Variants in TMEM117 observed in about 807,000 individuals in gnomAD.
TMEM117 encodes the protein transmembrane protein 117.
In TMEM117, 27 loss-of-function variants were observed where a neutral mutation model predicts 52.4. The ratio of observed to expected loss-of-function variants is 0.51; its 90% CI spans 0.38 to 0.71. The LOEUF (loss-of-function observed/expected upper bound fraction) is 0.71, where lower values mean the gene tolerates loss of function less well. Among genes scored for constraint, TMEM117 ranks in the 30% least tolerant of loss-of-function variants. The pLI is 0.00. For missense variants in TMEM117, 556 were observed against 630.5 expected (o/e 0.88, Z 1.26); for synonymous variants, 215 against 206.3 (o/e 1.04, Z -0.36).
upstream of TMEM117, among the ~76,000 whole-genome samples, chr12:43,831,201 T>C (rs1038349632): frequency 6.6e-6 from 1 of 152,218 alleles, no homozygotes; most frequent in Admixed American, 6.5e-5. Context: ...AAGGAAATTA[T>C]GCTGTTTATA....
At chr12:43,922,132 C>A (rs1266950191) in intron 2 of TMEM117, among the ~76,000 whole-genome samples, 3 of 152,130 alleles carry the variant, frequency 2.0e-5, no homozygotes, top group Admixed American at 6.6e-5. Context: ...ATATGTCTTA[C>A]AAACTGTGGT....
At chr12:44,027,030 T>G (rs981133055) in intron 3 of TMEM117, among the ~76,000 whole-genome samples, 6 of 151,560 alleles carry the variant, frequency 4.0e-5, no homozygotes, top group Admixed American at 3.9e-4. Context: ...GAGTTGCATT[T>G]AGTAGTTAGC....
rs552059839 is a variant in TMEM117, at chr12:44,378,419, A to G, written c.898+1695A>G. On this transcript the variant is annotated intron_variant, in intron 7 of 7. Coordinates refer to ENST00000266534, the MANE Select transcript of TMEM117 (RefSeq NM_032256.3). ...TGGAATACTCTGTTTAAGAAGATGA[A>G]TATAAAATTACATCTCAAAATTATA... Among the ~76,000 whole-genome samples the G allele has an allele frequency of 2.0e-5, 3 of 152,320 alleles. No individual in the cohort carries two copies. In the South Asian group the frequency reaches 6.2e-4, roughly 32 times the overall value.
chr12:44,057,732 G>T (rs1000635672), intron 3 of TMEM117, among the ~76,000 whole-genome samples: 1 of 152,094 alleles, frequency 6.6e-6, no homozygotes, highest in Non-Finnish European at 1.5e-5. Flanking sequence ...CTAGATTCTG[G>T]CTCTGTTCTG....
chr12:43,856,539 C>A (rs1565720976), intron 2 of TMEM117, among the ~76,000 whole-genome samples: 1 of 152,228 alleles, frequency 6.6e-6, no homozygotes, highest in South Asian at 2.1e-4. Flanking sequence ...TCCTCCTCCT[C>A]CCTCTCCAAA....
At chr12:44,095,764 T>G (rs1397932389) in intron 3 of TMEM117, among the ~76,000 whole-genome samples, 1 of 152,132 alleles carries the variant, frequency 6.6e-6, no homozygotes, top group Non-Finnish European at 1.5e-5. Context: ...TTAGAAATAC[T>G]GAATGGGCAA....
chr12:44,232,810 G>C (rs1237901566), intron 5 of TMEM117, among the ~76,000 whole-genome samples: 1 of 150,896 alleles, frequency 6.6e-6, no homozygotes, highest in Non-Finnish European at 1.5e-5. Context: ...TCCTTTATTT[G>C]TGTCTTCTTT....
intron 2 of TMEM117, among the ~76,000 whole-genome samples, chr12:43,902,640 C>A (rs1251404649): frequency 6.6e-6 from 1 of 152,112 alleles, no homozygotes; most frequent in Non-Finnish European, 1.5e-5. Flanking sequence ...ATGGTAGTAT[C>A]ACCCAAAGGT....
At chr12:44,284,231 G>A (rs1192168735) in intron 5 of TMEM117, among the ~76,000 whole-genome samples, 1 of 152,098 alleles carries the variant, frequency 6.6e-6, no homozygotes, top group African/African-American at 2.4e-5. Context: ...AGACTTGCTT[G>A]AACCCGAGAG....
chr12:43,979,325 G>T (rs1945722867), intron 3 of TMEM117, among the ~76,000 whole-genome samples: 2 of 151,992 alleles, frequency 1.3e-5, no homozygotes, highest in South Asian at 4.1e-4. Flanking sequence ...AAAAGTACTG[G>T]CTCCACTGGG....
intron 6 of TMEM117, among the ~76,000 whole-genome samples, chr12:44,314,653 G>A (rs771459714): frequency 4.7e-5 from 7 of 149,168 alleles, no homozygotes; most frequent in South Asian, 2.2e-4. Context: ...TGCAACCTCC[G>A]CCTCCTGGGT....
intron 3 of TMEM117, among the ~76,000 whole-genome samples, chr12:44,025,338 A>G (rs1314791852): frequency 6.6e-6 from 1 of 152,216 alleles, no homozygotes; most frequent in Non-Finnish European, 1.5e-5. Context: ...AGAAGGAATT[A>G]GATAAACTCC....
intron 3 of TMEM117, among the ~76,000 whole-genome samples, chr12:44,117,609 G>A (rs1948166939): frequency 6.6e-6 from 1 of 152,224 alleles, no homozygotes. Context: ...CAGGGGTTTT[G>A]AGAATGAAAC....
In TMEM117 at chr12:44,181,171, A is replaced by G. The variant is rs1343796337; in HGVS notation, c.511-30119A>G. Reference sequence around the variant, plus strand: ...GTCTTCTTTTGAGAAGTGTCTGTTCATGTCCTTTGCCCACTTTTTGATGGG... The same window carrying G: ...GTCTTCTTTTGAGAAGTGTCTGTTCGTGTCCTTTGCCCACTTTTTGATGGG... On this transcript the variant is annotated intron_variant, in intron 4 of 7. Coordinates refer to ENST00000266534, the MANE Select transcript of TMEM117 (RefSeq NM_032256.3). Among the ~76,000 whole-genome samples the G allele has an allele frequency of 8.5e-3, 1,278 of 149,554 alleles. 8 individuals carry two copies. The highest frequency in any genetic ancestry group is 0.03 in the African/African-American group (1,215 of 41,078).
intron 2 of TMEM117, among the ~76,000 whole-genome samples, chr12:43,893,516 A>T (rs1944145090): frequency 6.6e-6 from 1 of 152,170 alleles, no homozygotes; most frequent in Admixed American, 6.6e-5. Flanking sequence ...TTCAGTGCAT[A>T]TTTAAATCAA....
At chr12:44,393,701 T>C (rs529390861), downstream of TMEM117, among the ~76,000 whole-genome samples, 6 of 152,326 alleles carry the variant, frequency 3.9e-5, no homozygotes, top group East Asian at 7.7e-4. Context: ...GCCATAAATA[T>C]GCTTAACTTC....
At chr12:44,308,974 C>G (rs1254217158) in intron 6 of TMEM117, among the ~76,000 whole-genome samples, 2 of 152,100 alleles carry the variant, frequency 1.3e-5, no homozygotes, top group South Asian at 2.1e-4. Context: ...ATGGGCTCCT[C>G]TATGAGCTTT....
At chr12:44,023,147 C>A (rs1266718706) in intron 3 of TMEM117, among the ~76,000 whole-genome samples, 1 of 152,206 alleles carries the variant, frequency 6.6e-6, no homozygotes, top group Non-Finnish European at 1.5e-5. Context: ...CTACAGAAGA[C>A]ATGAACTCTT....
intron 2 of TMEM117, among the ~76,000 whole-genome samples, chr12:43,937,792 A>G (rs1467094237): frequency 2.0e-5 from 3 of 152,156 alleles, no homozygotes; most frequent in African/African-American, 4.8e-5. Flanking sequence ...GCCAGGTACT[A>G]TGCCATGAGG....
Sources: gnomAD v4.1 joint callset for allele counts (sites outside exome capture counted in the v4.1 genomes callset) on GRCh38, gnomAD v4.1.1 for gene constraint, MANE v1.5 for transcripts, NCBI Gene and HGNC (gene_info 2026-07-23, HGNC 2026-07-21) for gene names.